Variants in CDK12 observed in about 807,000 individuals in gnomAD.
CDK12 encodes the protein cyclin-dependent kinase 12.
In CDK12, 17 loss-of-function variants were observed where a neutral mutation model predicts 133.8. That is an observed-to-expected ratio of 0.13 (90% CI 0.09 to 0.19). The LOEUF (loss-of-function observed/expected upper bound fraction) is 0.19. Ranked by LOEUF, CDK12 falls within the 10% of genes least tolerant of loss-of-function variation. The probability of loss-of-function intolerance (pLI) is 1.00; values close to 1 mark genes in which losing one functional copy is unlikely to be tolerated. For missense variants in CDK12, 1,508 were observed against 1,818.7 expected, an observed-to-expected ratio of 0.83 and a Z score of 3.11; for synonymous variants, 694 against 683.6, an observed-to-expected ratio of 1.02 and a Z score of -0.24.
chr17:39,523,486 GAAAA>G (rs1186830955), intron 11 of CDK12, among the ~76,000 whole-genome samples: 6 of 149,498 alleles, frequency 4.0e-5, no homozygotes, highest in South Asian at 2.1e-4. Context: ...AAAAGAAAAA[GAAAA>G]AAAAAGTATT....
intron 2 of CDK12, among the ~76,000 whole-genome samples, chr17:39,551,952 A>C (rs935364979): frequency 6.6e-6 from 1 of 152,200 alleles, no homozygotes; most frequent in African/African-American, 2.4e-5. Context: ...AAGGATAGGC[A>C]CAGAGCTTGG....
intron 2 of CDK12, among the ~76,000 whole-genome samples, chr17:39,474,953 C>A (rs2050076211): frequency 6.6e-6 from 1 of 151,778 alleles, no homozygotes; most frequent in Admixed American, 6.6e-5. Context: ...CATGCCTCAG[C>A]TCCTCTGAGT....
chr17:39,491,705 T>A (rs1323639576), intron 3 of CDK12, among the ~76,000 whole-genome samples: 2 of 150,568 alleles, frequency 1.3e-5, no homozygotes, highest in East Asian at 3.9e-4. Context: ...TTATGTATTT[T>A]TTTTTTTTTT....
At chr17:39,557,107 C>T (rs187325561) in intron 3 of CDK12, 1 of 152,334 alleles carries the variant, frequency 6.6e-6, no homozygotes, top group East Asian at 1.9e-4. Flanking sequence ...ACCCTCAGAT[C>T]CCTCCTTTAT....
At chr17:39,540,419 G>GATA (rs1283676363) in intron 1 of CDK12, among the ~76,000 whole-genome samples, 1 of 152,228 alleles carries the variant, frequency 6.6e-6, no homozygotes, top group African/African-American at 2.4e-5. Context: ...GTGTCCAGAT[G>GATA]ATAACCTGCA....
intron 5 of CDK12, among the ~76,000 whole-genome samples, chr17:39,497,779 A>T (rs1310889798): frequency 6.6e-6 from 1 of 151,724 alleles, no homozygotes; most frequent in Non-Finnish European, 1.5e-5. Flanking sequence ...GATTTTTTAA[A>T]TTTTTAGTAG....
chr17:39,528,983 G>T (rs2054658220), intron 13 of CDK12, among the ~76,000 whole-genome samples: 1 of 152,096 alleles, frequency 6.6e-6, no homozygotes, highest in Non-Finnish European at 1.5e-5. Flanking sequence ...TTTTCAGCAT[G>T]TCTACTCTCC....
At chr17:39,529,630 TC>T (rs2054706594) in intron 13 of CDK12, among the ~76,000 whole-genome samples, 3 of 152,190 alleles carry the variant, frequency 2.0e-5, no homozygotes, top group Non-Finnish European at 4.4e-5. Flanking sequence ...ATCTCTCCTC[TC>T]CTGCCTTGGC....
In CDK12 at chr17:39,531,383, TTAATG is replaced by T. The variant is rs1327608495; in HGVS notation, c.*68_*72del. ...TCCTTCCATCCAGTTCTCTGAATCT[TTAATG>T]AAATCATTTGCCAGAGCGAGGTAAT... is the stretch of plus-strand genomic sequence containing the variant. On this transcript the variant is annotated 3_prime_UTR_variant, in exon 14 of 14. Coordinates refer to ENST00000447079, the MANE Select transcript of CDK12 (RefSeq NM_016507.4). 2.9e-4 allele frequency: 386 copies of T among 1,341,242 alleles called. No homozygotes were observed. Among genetic ancestry groups the T allele is most frequent in the Non-Finnish European group, 3.5e-4 (363 of 1,036,426 alleles). The allele number at this position is 1,341,242 out of a possible 1,614,324, so 83.1% of individuals were successfully genotyped here. A position where few individuals can be genotyped will look rare whatever the true frequency, so the allele number is the denominator to read the frequency against.
chr17:39,489,484 C>CA (rs1282430972), intron 2 of CDK12, among the ~76,000 whole-genome samples: 1 of 151,102 alleles, frequency 6.6e-6, no homozygotes, highest in Admixed American at 6.6e-5. Context: ...GGATTACAGG[C>CA]ATGAGTACTG....
intron 10 of CDK12, among the ~76,000 whole-genome samples, chr17:39,519,584 C>T (rs1207865792): frequency 2.0e-5 from 3 of 150,100 alleles, no homozygotes; most frequent in Admixed American, 2.0e-4. Flanking sequence ...CATTGCACAT[C>T]CTTTTTTTTT....
chr17:39,563,522 T>TC (rs1221301300), intron 3 of CDK12, among the ~76,000 whole-genome samples: 1 of 124,600 alleles, frequency 8.0e-6, no homozygotes, highest in Non-Finnish European at 1.6e-5. Flanking sequence ...CCAACTTTTT[T>TC]CCCCCTCCCC....
At chr17:39,495,384 GTTTTTTTTTTTTTTTT>G (rs60185847) in intron 5 of CDK12, among the ~76,000 whole-genome samples, 1 of 110,694 alleles carries the variant, frequency 9.0e-6, no homozygotes, top group Admixed American at 1.0e-4. Context: ...GGCCTCATGT[GTTTTTTTTTTTTTTTT>G]TTTTTTTTTT....
At position 39,495,794 on chromosome 17, in the gene CDK12, C is replaced by CAA. The variant is rs372235295; in HGVS notation, c.2419+1115_2419+1116dup. 1.7e-3 allele frequency among the ~76,000 whole-genome samples: 130 copies of CAA among 74,608 alleles called. 1 individual carries two copies. Among genetic ancestry groups the CAA allele is most frequent in the African/African-American group, 6.1e-3 (120 of 19,742 alleles). 48.9% of individuals were successfully genotyped at this position (74,608 alleles called of 152,430 possible). On this transcript the variant is annotated intron_variant, in intron 5 of 13. Transcript: ENST00000447079. Reference sequence around the variant, plus strand: ...TGGGCAATAGAGCGAGACTCCGCCTCAAAAAAAAAAAAAAAAGATGGTAGT... The same window carrying CAA: ...TGGGCAATAGAGCGAGACTCCGCCTCAAAAAAAAAAAAAAAAAAGATGGTAGT...
At chr17:39,487,564 G>T (rs1204349206) in intron 2 of CDK12, among the ~76,000 whole-genome samples, 1 of 141,604 alleles carries the variant, frequency 7.1e-6, no homozygotes, top group Non-Finnish European at 1.5e-5. Context: ...TTAGTCTGTT[G>T]TACTATAGAT....
chr17:39,469,831 T>C (rs1295899163), intron 1 of CDK12, among the ~76,000 whole-genome samples: 2 of 151,886 alleles, frequency 1.3e-5, no homozygotes, highest in African/African-American at 2.4e-5. Context: ...GAGACGGGGT[T>C]TCTCCATGTT....
intron 2 of CDK12, among the ~76,000 whole-genome samples, chr17:39,478,254 C>G (rs1367337394): frequency 1.3e-5 from 2 of 151,338 alleles, no homozygotes; most frequent in Non-Finnish European, 2.9e-5. Flanking sequence ...TGCAGTGGCT[C>G]AATCTCAGCT....
At chr17:39,536,822 G>A (rs559117372), downstream of CDK12, among the ~76,000 whole-genome samples, 1 of 152,328 alleles carries the variant, frequency 6.6e-6, no homozygotes, top group East Asian at 1.9e-4. Flanking sequence ...TACCCTCTAA[G>A]TGGGTAGTTT....
At chr17:39,521,990 A>G (rs2054203117) in intron 11 of CDK12, among the ~76,000 whole-genome samples, 1 of 151,974 alleles carries the variant, frequency 6.6e-6, no homozygotes, top group African/African-American at 2.4e-5. Flanking sequence ...CAGGAGACAC[A>G]TGCTTGGCCT....
Sources: gnomAD v4.1 joint callset for allele counts (sites outside exome capture counted in the v4.1 genomes callset) on GRCh38, gnomAD v4.1.1 for gene constraint, MANE v1.5 for transcripts, NCBI Gene and HGNC (gene_info 2026-07-23, HGNC 2026-07-21) for gene names.